Variants in DNAI7 observed in about 807,000 individuals in gnomAD.
DNAI7 encodes the protein cancer susceptibility 1.
A neutral mutation model predicts 86.6 loss-of-function variants in DNAI7; 78 were observed. The observed-to-expected ratio is 0.90, with a 90% CI of 0.75 to 1.09. The LOEUF is 1.09. Ranked by LOEUF, DNAI7 falls within the 50% of genes least tolerant of loss-of-function variation. DNAI7 has a pLI of 0.00. For missense variants in DNAI7, 753 were observed against 810.2 expected (o/e 0.93, Z 0.86); for synonymous variants, 274 against 273.0 (o/e 1.00, Z -0.04).
At chr12:25,146,104 C>T (rs1246656420) in intron 8 of DNAI7, among the ~76,000 whole-genome samples, 1 of 151,944 alleles carries the variant, frequency 6.6e-6, no homozygotes, top group Non-Finnish European at 1.5e-5. Flanking sequence ...TGCCTGTAAT[C>T]CCAGCTACTC....
chr12:25,138,223 G>A (rs1407560640), intron 9 of DNAI7, among the ~76,000 whole-genome samples: 1 of 152,168 alleles, frequency 6.6e-6, no homozygotes, highest in Admixed American at 6.5e-5. Context: ...CAGCAGTTTT[G>A]GAGGCCAAGA....
chr12:25,164,814 C>T (rs887402684), intron 2 of DNAI7, among the ~76,000 whole-genome samples: 1 of 152,030 alleles, frequency 6.6e-6, no homozygotes, highest in Non-Finnish European at 1.5e-5. Context: ...CCCCTCCTCA[C>T]CAGGCCGAGC....
At chr12:25,163,591 C>T (rs1272694778) in intron 2 of DNAI7, among the ~76,000 whole-genome samples, 1 of 152,226 alleles carries the variant, frequency 6.6e-6, no homozygotes, top group Non-Finnish European at 1.5e-5. Flanking sequence ...CACACAAAGC[C>T]TGTTTGGTGG....
chr12:25,190,738 A>G (rs1289683506), intron 1 of DNAI7, 107 bp from the exon 2 acceptor site: 1 of 517,660 alleles, frequency 1.9e-6, no homozygotes, highest in African/African-American at 1.9e-5. Context: ...GGTAAAGGGC[A>G]TAAGGGAACT....
intron 2 of DNAI7, among the ~76,000 whole-genome samples, chr12:25,162,994 C>T (rs1457963425): frequency 6.6e-6 from 1 of 152,226 alleles, no homozygotes; most frequent in East Asian, 1.9e-4. Flanking sequence ...GACCCACAGA[C>T]CCTGTGAAGG....
At chr12:25,182,335 GA>G (rs1477589023) in intron 2 of DNAI7, among the ~76,000 whole-genome samples, 1 of 100,052 alleles carries the variant, frequency 1.0e-5, no homozygotes, top group African/African-American at 3.9e-5. Flanking sequence ...CAACAAGAGC[GA>G]AACTTCATCT....
At chr12:25,131,506 G>C (rs1942917520) in intron 9 of DNAI7, among the ~76,000 whole-genome samples, 1 of 152,188 alleles carries the variant, frequency 6.6e-6, no homozygotes, top group Non-Finnish European at 1.5e-5. Flanking sequence ...AGTAGTGACA[G>C]CAAGAGTCTT....
At chr12:25,108,158 C>A, downstream of DNAI7, 1 of 1,327,614 alleles carries the variant, frequency 7.5e-7, no homozygotes, top group Non-Finnish European at 1.0e-6. Flanking sequence ...AGCATGAAAC[C>A]AGAGGTTCTC....
At chr12:25,193,648 T>C (rs1414525444) in intron 1 of DNAI7, among the ~76,000 whole-genome samples, 1 of 151,500 alleles carries the variant, frequency 6.6e-6, no homozygotes, top group Non-Finnish European at 1.5e-5. Context: ...AAATGTTCCA[T>C]GGGCCACACT....
intron 9 of DNAI7, among the ~76,000 whole-genome samples, chr12:25,143,383 G>T (rs1326359907): frequency 1.3e-5 from 2 of 151,728 alleles, no homozygotes; most frequent in Non-Finnish European, 2.9e-5. Context: ...CAAGTAGCTG[G>T]GATTACAGGT....
chr12:25,111,647 T>C (rs1040839530), intron 14 of DNAI7, 125 bp downstream of exon 14: 9 of 422,032 alleles, frequency 2.1e-5, no homozygotes, highest in Non-Finnish European at 2.7e-5. Context: ...TTCACTTATT[T>C]CTTTATAATA....
In DNAI7 at chr12:25,144,588, T is replaced by C; in HGVS notation, c.779A>G (p.His260Arg). The change falls in exon 9 of 16, where the codon CAT becomes CGT. Residue 260 changes from histidine (H) to arginine (R), a missense_variant. Transcript: ENST00000395987. ...ATSDIAVRLL[H>R]THYDHVSALH... is the part of the protein sequence containing the mutation. ...TGCAGAAACATGATCATAGTGGGTA[T>C]GCAGGAGTCGTACAGCAATGTCACT... 1 of 1,614,100 alleles carries C rather than the reference T, an allele frequency of 6.2e-7. No individual in the cohort carries two copies. Among genetic ancestry groups the C allele is most frequent in the South Asian group, 1.1e-5 (1 of 91,082 alleles).
downstream of DNAI7, chr12:25,107,718 G>A (rs1949295984): frequency 8.7e-7 from 1 of 1,155,052 alleles, no homozygotes; most frequent in Non-Finnish European, 1.3e-6. Context: ...CAGTTTTGGG[G>A]GTATGAAGGG....
At chr12:25,157,969 C>A (rs1306156976) in intron 4 of DNAI7, among the ~76,000 whole-genome samples, 1 of 152,048 alleles carries the variant, frequency 6.6e-6, no homozygotes, top group Non-Finnish European at 1.5e-5. Flanking sequence ...GTGGCTCACG[C>A]CTGTAATCCC....
intron 2 of DNAI7, among the ~76,000 whole-genome samples, chr12:25,167,948 T>G (rs962058080): frequency 2.6e-5 from 4 of 152,168 alleles, no homozygotes; most frequent in Non-Finnish European, 4.4e-5. Flanking sequence ...GATGTTCCTT[T>G]ACTCTTCATC....
chr12:25,179,067 C>T (rs575545419), intron 2 of DNAI7, among the ~76,000 whole-genome samples: 2 of 152,034 alleles, frequency 1.3e-5, no homozygotes, highest in East Asian at 1.9e-4. Flanking sequence ...ACATACATTC[C>T]ACAAATTTTT....
At chr12:25,151,890 A>G (rs532097499) in intron 6 of DNAI7, among the ~76,000 whole-genome samples, 66 of 152,356 alleles carry the variant, frequency 4.3e-4, no homozygotes, top group African/African-American at 1.4e-3. Flanking sequence ...AAAAGAGTCT[A>G]CAGTTCTACC....
At chr12:25,152,879 G>A (rs541059383) in intron 6 of DNAI7, among the ~76,000 whole-genome samples, 5 of 152,264 alleles carry the variant, frequency 3.3e-5, no homozygotes, top group South Asian at 2.1e-4. Context: ...AAGTATAAAC[G>A]CTAGTTTTTC....
chr12:25,156,058 C>T (rs933131824), intron 4 of DNAI7, among the ~76,000 whole-genome samples: 13 of 151,694 alleles, frequency 8.6e-5, no homozygotes, highest in Non-Finnish European at 1.8e-4. Context: ...AACCCAAGAT[C>T]GCGCAACCGC....
Sources: allele counts gnomAD v4.1 joint callset (sites outside exome capture counted in the v4.1 genomes callset), GRCh38; gene constraint gnomAD v4.1.1; transcripts MANE v1.5; gene names NCBI Gene and HGNC (gene_info 2026-07-23, HGNC 2026-07-21).